Variants in MUC22 observed in about 807,000 individuals in gnomAD.
MUC22 encodes the protein mucin 22, also known as mucin-22.
In MUC22, 24 loss-of-function variants were observed where a neutral mutation model predicts 40.3. The observed-to-expected ratio is 0.60, with a 90% CI of 0.43 to 0.84. The LOEUF (loss-of-function observed/expected upper bound fraction) is 0.84, where lower values mean the gene tolerates loss of function less well. Among genes scored for constraint, MUC22 ranks in the 40% least tolerant of loss-of-function variants. The probability of loss-of-function intolerance (pLI) is 0.00; values close to 1 mark genes in which losing one functional copy is unlikely to be tolerated. For missense variants in MUC22, 1,926 were observed against 2,130.7 expected (o/e 0.90, Z 1.89); for synonymous variants, 765 against 844.5 (o/e 0.91, Z 1.63).
In MUC22 at chr6:31,033,219, G is replaced by A. The variant is rs949688497; in HGVS notation, c.5055+638G>A. ...GGAAGGAAGGAAGGAGAGAGAGAGA[G>A]AAAAAGAGAAAGAATGAGGAAGAAA... is the stretch of plus-strand genomic sequence containing the variant. On this transcript the variant is annotated intron_variant, in intron 3 of 3. Transcript: ENST00000561890. 4.7e-5 allele frequency among the ~76,000 whole-genome samples: 7 copies of A among 149,104 alleles called. No homozygotes were observed. In the South Asian group the frequency reaches 6.4e-4, roughly 14 times the overall value.
exon 1 of MUC22, chr6:31,010,557 C>T: frequency 1.6e-6 from 1 of 617,666 alleles, no homozygotes; most frequent in Non-Finnish European, 2.9e-6. Context: ...AAGGCTTACC[C>T]TGGCACTGGC....
At chr6:31,026,471 C>G (rs28360986) in exon 2 of MUC22, 147,445 of 1,507,632 alleles carry the variant, frequency 0.098, 21,424 homozygotes, top group South Asian at 0.12. Flanking sequence ...GGCTCTGAGA[C>G]CACCGTCTCC....
At chr6:31,016,560 T>C (rs969144607) in intron 1 of MUC22, among the ~76,000 whole-genome samples, 4 of 152,280 alleles carry the variant, frequency 2.6e-5, no homozygotes, top group Admixed American at 6.5e-5. Context: ...ATAGGTAATG[T>C]GGGTTTTACA....
intron 1 of MUC22, among the ~76,000 whole-genome samples, chr6:31,018,301 C>T (rs1473570479): frequency 6.6e-6 from 1 of 152,210 alleles, no homozygotes; most frequent in African/African-American, 2.4e-5. Flanking sequence ...GAGACAGTTC[C>T]TAGCTACATT....
exon 2 of MUC22, chr6:31,025,595 C>T: frequency 1.3e-6 from 2 of 1,523,966 alleles, no homozygotes; most frequent in Non-Finnish European, 1.8e-6. Context: ...ACCATGGCCT[C>T]TACTTCGGCC....
intron 1 of MUC22, among the ~76,000 whole-genome samples, chr6:31,017,972 C>A (rs945836530): frequency 6.6e-6 from 1 of 152,242 alleles, no homozygotes; most frequent in Non-Finnish European, 1.5e-5. Flanking sequence ...TCTGCAGTTT[C>A]ACTCCTGAGG....
chr6:31,022,182 C>G (rs1022844264), intron 1 of MUC22, among the ~76,000 whole-genome samples: 1 of 152,218 alleles, frequency 6.6e-6, no homozygotes, highest in African/African-American at 2.4e-5. Context: ...CTGTAACACT[C>G]ACTGTGAGGG....
chr6:31,029,045 C>A (rs1457478251), exon 2 of MUC22: 2 of 1,531,490 alleles, frequency 1.3e-6, no homozygotes, highest in African/African-American at 2.8e-5. Flanking sequence ...GGCTCTGAGA[C>A]CATCACAGTC....
At position 31,032,430 on chromosome 6, in the gene MUC22, T is replaced by C. The variant is rs2150812453; in HGVS notation, c.4904T>C (p.Val1635Ala). The change falls in exon 3 of 4, where the codon GTG (valine) becomes GCG (alanine). Residue 1635 changes from valine to alanine, a missense_variant. Val to Ala is a moderately conservative substitution (Grantham distance 64). Around this residue, in one of 3 missense-constraint regions of MUC22, gnomAD observed 610 missense variants for 714.6 expected, o/e 0.85. Transcript: ENST00000561890. The surrounding 1 kb of genome is among the most constrained non-coding windows in gnomAD (Gnocchi z 4.1). ...AGCACCTTCCAGGAAACAGGCCCGG[T>C]GTCCATGGGCACAAACACAGTTAGC... 7.8e-6 allele frequency: 12 copies of C among 1,535,694 alleles called. No homozygotes were observed. The highest frequency in any genetic ancestry group is 1.0e-5 in the Non-Finnish European group (12 of 1,146,906).
chr6:31,021,114 GC>G (rs1235611661), intron 1 of MUC22, among the ~76,000 whole-genome samples: 1 of 152,272 alleles, frequency 6.6e-6, no homozygotes, highest in Non-Finnish European at 1.5e-5. Context: ...TGAGCGCATG[GC>G]GTAGGACTGG....
chr6:31,023,116 C>A (rs1332887610), intron 1 of MUC22, among the ~76,000 whole-genome samples: 14 of 149,188 alleles, frequency 9.4e-5, no homozygotes, highest in Non-Finnish European at 1.8e-4. Flanking sequence ...AGTGACAGAT[C>A]AAGACGCTCA....
At position 31,032,366 on chromosome 6, in the gene MUC22, G is replaced by T. The variant is rs191359240; in HGVS notation, c.4840G>T (p.Val1614Phe). ...ATCATCTACCACCTCAGCCCACGGCGTCAGGACCACCACAGGATCCACCCG... is the reference window on the plus strand; with the variant it reads ...ATCATCTACCACCTCAGCCCACGGCTTCAGGACCACCACAGGATCCACCCG... Residue 1614 changes from valine (V) to phenylalanine (F), a missense_variant, in exon 3 of 4, where the codon GTC (valine) becomes TTC (phenylalanine). Coordinates refer to ENST00000561890, the Ensembl canonical transcript of MUC22. The surrounding 1 kb of genome is among the most constrained non-coding windows in gnomAD (Gnocchi z 4.1). The T allele has an allele frequency of 1.3e-6, 2 of 1,535,512 alleles. No homozygotes were observed.
exon 2 of MUC22, chr6:31,027,678 T>C (rs1277985286): frequency 3.9e-6 from 6 of 1,530,362 alleles, no homozygotes. Context: ...CCACAGTCTT[T>C]ACCATAGGCT....
chr6:31,033,090 G>C (rs1347589007), intron 3 of MUC22, among the ~76,000 whole-genome samples: 9 of 152,102 alleles, frequency 5.9e-5, no homozygotes, highest in Non-Finnish European at 8.8e-5. Flanking sequence ...GCTTGAACCT[G>C]GGAGATGGAG....
intron 3 of MUC22, among the ~76,000 whole-genome samples, chr6:31,033,517 A>G (rs1766230507): frequency 6.6e-6 from 1 of 152,160 alleles, no homozygotes; most frequent in African/African-American, 2.4e-5. Context: ...CTTTGAATAC[A>G]TATTTTTCTT....
intron 1 of MUC22, among the ~76,000 whole-genome samples, chr6:31,019,507 G>A (rs1333704009): frequency 9.9e-5 from 15 of 152,212 alleles, no homozygotes; most frequent in Non-Finnish European, 2.2e-4. Flanking sequence ...GAGCAAAGCA[G>A]ATATCAGGGT....
chr6:31,021,880 G>T (rs895218598), intron 1 of MUC22, among the ~76,000 whole-genome samples: 2 of 150,530 alleles, frequency 1.3e-5, no homozygotes, highest in African/African-American at 2.4e-5. Flanking sequence ...TTGTTCTTTT[G>T]CTCTTTGCAA....
chr6:31,026,075 C>T (rs1252591487), exon 2 of MUC22: 2 of 1,530,852 alleles, frequency 1.3e-6, no homozygotes, highest in Non-Finnish European at 1.7e-6. Context: ...GGCTCTGAAA[C>T]CACCACAGCA....
In MUC22 at chr6:31,011,098, T is replaced by G. The variant is rs1321835850; in HGVS notation, c.70+322T>G. 1.6e-5 allele frequency among the ~76,000 whole-genome samples: 1 copy of G among 61,882 alleles called. No individual in the cohort carries two copies. Among genetic ancestry groups the G allele is most frequent in the African/African-American group, 1.3e-4 (1 of 7,990 alleles). The allele number at this position is 61,882 out of a possible 152,430, so 40.6% of individuals were successfully genotyped here. On this transcript the variant is annotated intron_variant, in intron 1 of 3. Coordinates refer to ENST00000561890, the Ensembl canonical transcript of MUC22. The surrounding 1 kb of genome is among the most constrained non-coding windows in gnomAD (Gnocchi z 4.5). The stretch of plus-strand genomic sequence containing the variant: ...TTTCCTTTGTATCTTGGATAAAAGT[T>G]TTTTTTTTTAACCGGAAAACTCTAG...
Sources: allele counts gnomAD v4.1 joint callset (sites outside exome capture counted in the v4.1 genomes callset), GRCh38; gene constraint gnomAD v4.1.1; regional missense constraint gnomAD v4.1.1; non-coding constraint Gnocchi (gnomAD v3.1); transcripts MANE v1.5; gene names NCBI Gene and HGNC (gene_info 2026-07-23, HGNC 2026-07-21).